Variants in KIF1B observed in about 807,000 individuals in gnomAD.
KIF1B encodes kinesin-like protein KIF1B.
In KIF1B, 76 loss-of-function variants were observed where a neutral mutation model predicts 241.9. The observed-to-expected ratio is 0.31, with a 90% CI of 0.26 to 0.38. The LOEUF (loss-of-function observed/expected upper bound fraction) is 0.38. Ranked by LOEUF, KIF1B falls within the 10% of genes least tolerant of loss-of-function variation. The pLI is 1.00. For synonymous variants in KIF1B, 750 were observed against 796.7 expected, an observed-to-expected ratio of 0.94 and a Z score of 0.99; for missense variants, 1,622 against 2,271.4, an observed-to-expected ratio of 0.71 and a Z score of 5.81.
chr1:10,363,132 C>A, intron 40 of KIF1B, 151 bp from the exon 41 acceptor site: 1 of 627,828 alleles, frequency 1.6e-6, no homozygotes, highest in South Asian at 1.9e-5. Flanking sequence ...TACTTAGGTT[C>A]AAAATAAGAA....
At chr1:10,288,825 C>T (rs1157477892) in intron 15 of KIF1B, among the ~76,000 whole-genome samples, 1 of 151,966 alleles carries the variant, frequency 6.6e-6, no homozygotes, top group Non-Finnish European at 1.5e-5. Context: ...TTCACGTGTT[C>T]CCTTGCCTTG....
chr1:10,340,483 C>T (rs1181602662), intron 32 of KIF1B, among the ~76,000 whole-genome samples: 1 of 152,154 alleles, frequency 6.6e-6, no homozygotes, highest in Non-Finnish European at 1.5e-5. Flanking sequence ...GTAATTTAAT[C>T]TTTACCTTTA....
At chr1:10,292,416 T>G in intron 17 of KIF1B, 1 of 355,524 alleles carries the variant, frequency 2.8e-6, no homozygotes. Flanking sequence ...TTCTCTTAAA[T>G]TCCCAGCCTA....
At chr1:10,341,535 G>T (rs1652390967) in intron 32 of KIF1B, among the ~76,000 whole-genome samples, 1 of 152,262 alleles carries the variant, frequency 6.6e-6, no homozygotes, top group South Asian at 2.1e-4. Flanking sequence ...GCCAAGATCA[G>T]TTGAGGCAAA....
chr1:10,248,452 C>T (rs1375207459), intron 2 of KIF1B, among the ~76,000 whole-genome samples: 1 of 152,164 alleles, frequency 6.6e-6, no homozygotes, highest in South Asian at 2.1e-4. Flanking sequence ...CCTCCTACCT[C>T]AGCCTCCCAA....
At chr1:10,229,312 AAAAC>A (rs1386546461) in intron 1 of KIF1B, among the ~76,000 whole-genome samples, 13 of 152,238 alleles carry the variant, frequency 8.5e-5, no homozygotes, top group Admixed American at 2.0e-4. Context: ...AAACATTTAA[AAAAC>A]AAAAAAATCA....
At chr1:10,267,984 C>CA (rs1221385806) in intron 6 of KIF1B, among the ~76,000 whole-genome samples, 168 bp from the exon 7 acceptor site, 2 of 152,104 alleles carry the variant, frequency 1.3e-5, no homozygotes, top group African/African-American at 2.4e-5. Context: ...GATGGGCTCA[C>CA]AAATAAGGCA....
intron 22 of KIF1B, chr1:10,307,822 A>C (rs1650903584): frequency 9.6e-7 from 1 of 1,041,932 alleles, no homozygotes; most frequent in Non-Finnish European, 1.2e-6. Flanking sequence ...TAATTTCACA[A>C]AGCGGAATGG....
At position 10,326,179 on chromosome 1, in the gene KIF1B, C is replaced by G; in HGVS notation, c.2744C>G (p.Thr915Arg). The part of the protein sequence containing the change: ...ADRTPSPTFS[T>R]ADSDITELAD... ...CGCACACCCTCCCCCACTTTTTCCACGGCCGATTCCGACATCACTGAGCTG... is the reference window on the plus strand; with the variant it reads ...CGCACACCCTCCCCCACTTTTTCCAGGGCCGATTCCGACATCACTGAGCTG... The change falls in exon 27 of 49, where the codon ACG becomes AGG. Residue 915 changes from threonine to arginine, a missense_variant. Transcript: ENST00000676179. The surrounding 1 kb of genome is among the most constrained non-coding windows in gnomAD (Gnocchi z 5.2). The G allele has an allele frequency of 6.2e-7, 1 of 1,614,108 alleles. No individual in the cohort carries two copies.
At chr1:10,308,935 T>G (rs1430732508) in intron 22 of KIF1B, among the ~76,000 whole-genome samples, 2 of 152,226 alleles carry the variant, frequency 1.3e-5, no homozygotes, top group Non-Finnish European at 2.9e-5. Context: ...CTACATACTC[T>G]TGGTTTGAAG....
chr1:10,358,636 T>A (rs1638324237), intron 38 of KIF1B, among the ~76,000 whole-genome samples: 1 of 142,914 alleles, frequency 7.0e-6, no homozygotes, highest in Non-Finnish European at 1.5e-5. Context: ...TGAGCCAAGA[T>A]CATGCCACCC....
At chr1:10,216,366 A>G (rs1311295785) in intron 1 of KIF1B, among the ~76,000 whole-genome samples, 1 of 151,852 alleles carries the variant, frequency 6.6e-6, no homozygotes, top group Non-Finnish European at 1.5e-5. Context: ...GTGTTCTCCC[A>G]CTCTAAGTCT....
At position 10,375,007 on chromosome 1, in the gene KIF1B, A is replaced by G. The variant is rs75413741; in HGVS notation, c.5250A>G (p.Ala1750=). ...VERGIINLST[A]QVEYSEDQQA... ...GTGGAATCATTAACCTGTCCACAGCACAGGTGGAGTACAGTGAGGACCAGC... is the reference window on the plus strand; with the variant it reads ...GTGGAATCATTAACCTGTCCACAGCGCAGGTGGAGTACAGTGAGGACCAGC... The change falls in exon 47 of 49, where the codon GCA becomes GCG. Residue 1750 remains alanine, a synonymous_variant. Coordinates refer to ENST00000676179, the MANE Select transcript of KIF1B (RefSeq NM_001365951.3). 5.3e-3 allele frequency: 8,509 copies of G among 1,614,132 alleles called. 50 individuals are homozygous for G. Among genetic ancestry groups the G allele is most frequent in the Non-Finnish European group, 6.5e-3 (7,693 of 1,180,020 alleles).
chr1:10,308,045 A>T (rs1569787892), intron 22 of KIF1B: 12 of 1,059,298 alleles, frequency 1.1e-5, no homozygotes, highest in Non-Finnish European at 1.3e-5. Context: ...CAAAACACTG[A>T]ATTTTTCACA....
intron 3 of KIF1B, among the ~76,000 whole-genome samples, chr1:10,256,786 A>T (rs1304001286): frequency 2.0e-5 from 3 of 151,752 alleles, no homozygotes; most frequent in Non-Finnish European, 4.4e-5. Context: ...ATCTTGGCTC[A>T]CTGCAACCTC....
intron 22 of KIF1B, among the ~76,000 whole-genome samples, chr1:10,300,839 T>G (rs1650506269): frequency 6.6e-6 from 1 of 152,184 alleles, no homozygotes; most frequent in Non-Finnish European, 1.5e-5. Context: ...AAAGAAAAAT[T>G]AATGTAGAGT....
At chr1:10,252,160 C>T (rs931447924) in intron 2 of KIF1B, among the ~76,000 whole-genome samples, 3 of 152,086 alleles carry the variant, frequency 2.0e-5, no homozygotes, top group African/African-American at 7.2e-5. Flanking sequence ...CCGCCTCAGC[C>T]TCCCAAGTAG....
Position 10,343,280 on chromosome 1 carries a change from C to G in KIF1B, c.3681C>G (p.Ser1227=), listed in dbSNP as rs991919721. 1 of 1,614,000 alleles carries G rather than the reference C, an allele frequency of 6.2e-7. No homozygotes were observed. The highest frequency in any genetic ancestry group is 1.3e-5 in the African/African-American group (1 of 74,920). ...TCTTCCCTCCACCCATGCCACTGTC[C>G]AAGCCAGGTGAGCACTCGCTCCGCT... ...RRFFPPPMPL[S]KPVPATKLNT... is the part of the protein sequence containing the mutation. Residue 1227 remains serine (S), a synonymous_variant, in exon 34 of 49, where the codon TCC becomes TCG. Coordinates refer to ENST00000676179, the MANE Select transcript of KIF1B (RefSeq NM_001365951.3).
In KIF1B at chr1:10,348,728, T is replaced by TG; in HGVS notation, c.3946dup (p.Val1316GlyfsTer7). On this transcript the variant is annotated frameshift_variant, in exon 37 of 49. Transcript: ENST00000676179. LOFTEE classifies it high-confidence loss of function. ...CATTGGAAAGATGTTCGTGAACTGG[T>TG]GGTAGGTGAGTACGTTTCATCAGCC... 1 of 1,612,966 alleles carries TG rather than the reference T, an allele frequency of 6.2e-7. No homozygotes were observed. Among genetic ancestry groups the TG allele is most frequent in the Non-Finnish European group, 8.5e-7 (1 of 1,179,134 alleles).
Sources: gnomAD v4.1 joint callset for allele counts (sites outside exome capture counted in the v4.1 genomes callset) on GRCh38, gnomAD v4.1.1 for gene constraint, Gnocchi (gnomAD v3.1) non-coding constraint, MANE v1.5 for transcripts, NCBI Gene and HGNC (gene_info 2026-07-23, HGNC 2026-07-21) for gene names.